Variants in ZNF469 observed in about 807,000 individuals in gnomAD.
The protein encoded by ZNF469 is zinc finger protein 469.
A neutral mutation model predicts 1.0 loss-of-function variants in ZNF469; 1 was observed. That is an observed-to-expected ratio of 1.00 (90% CI 0.35 to 4.73). The LOEUF is 4.73. Among genes scored for constraint, ZNF469 ranks in the 30% most tolerant of loss-of-function variants. ZNF469 has a pLI of 0.16. For synonymous variants in ZNF469, 2,703 were observed against 2,363.4 expected, an observed-to-expected ratio of 1.14 and a Z score of -4.17; for missense variants, 6,100 against 5,356.3, an observed-to-expected ratio of 1.14 and a Z score of -4.33.
chr16:88,305,275 TGCTCTCAG>T, the ZNF469 span, among the ~76,000 whole-genome samples: 1 of 74,670 alleles, frequency 1.3e-5, no homozygotes. Context: ...CTCACACACA[TGCTCTCAG>T]GCACACACAC....
At chr16:88,418,551 C>T (rs111397231) in intron 1 of ZNF469, among the ~76,000 whole-genome samples, 2 of 152,050 alleles carry the variant, frequency 1.3e-5, no homozygotes, top group African/African-American at 4.8e-5. Flanking sequence ...CCACCGCCCC[C>T]CCGGCCACCT....
the ZNF469 span, among the ~76,000 whole-genome samples, chr16:88,361,301 C>T: frequency 2.0e-3 from 299 of 152,322 alleles, 1 homozygote; most frequent in African/African-American, 7.0e-3. Context: ...TACTACTCAT[C>T]TCCTGCTGTG....
rs776372059 is a variant in ZNF469 at position 88,434,397 on chromosome 16, G to C, written c.6927G>C (p.Gln2309His). 3 of 1,549,780 alleles carry C rather than the reference G, an allele frequency of 1.9e-6. No homozygotes were observed. The highest frequency in any genetic ancestry group is 2.4e-5 in the South Asian group (2 of 84,048). Residue 2309 changes from glutamine (Q) to histidine (H), a missense_variant, in exon 3 of 3, where the codon CAG (glutamine) becomes CAC (histidine). Transcript: ENST00000565624. ...GGGGACTCCCAGGGCCAGACCCCCA[G>C]AGCAGGGGAGCCCCGCCCCACACCA... ...AGRGLPGPDP[Q>H]SRGAPPHTNP...
intron 1 of ZNF469, among the ~76,000 whole-genome samples, chr16:88,420,548 C>G (rs1464528744): frequency 6.6e-6 from 1 of 152,182 alleles, no homozygotes; most frequent in East Asian, 1.9e-4. Flanking sequence ...CAGGCCTGGT[C>G]CCCAGGGGAT....
At chr16:88,113,139 T>G in the ZNF469 span, among the ~76,000 whole-genome samples, 1 of 152,214 alleles carries the variant, frequency 6.6e-6, no homozygotes, top group Non-Finnish European at 1.5e-5. Context: ...CTTGGTTGCC[T>G]GTGCGTGGGG....
chr16:88,437,712 C>G lies in ZNF469; in HGVS notation c.10242C>G (p.Ile3414Met). The G allele has an allele frequency of 1.3e-6, 2 of 1,549,850 alleles. No individual in the cohort carries two copies. Among genetic ancestry groups the G allele is most frequent in the Non-Finnish European group, 1.7e-6 (2 of 1,146,636 alleles). ...TCTGCGCCACGGTTATGCGCATCAT[C>G]AAGAAGTCCTTCGCCTGCAGCTCCT... ...CELCATVMRIIKKSFACSSCN... is the reference protein window; with the variant it reads ...CELCATVMRIMKKSFACSSCN... The change falls in exon 3 of 3, where the codon ATC becomes ATG. Residue 3414 changes from isoleucine to methionine, a missense_variant. Physicochemically the swap from Ile to Met is conservative, Grantham distance 10 (BLOSUM62 1). Coordinates refer to ENST00000565624, the MANE Select transcript of ZNF469 (RefSeq NM_001367624.2).
chr16:88,331,976 A>C, the ZNF469 span, among the ~76,000 whole-genome samples: 1 of 152,194 alleles, frequency 6.6e-6, no homozygotes, highest in Non-Finnish European at 1.5e-5. Flanking sequence ...CATGGCAGTG[A>C]CTTGCCCAAG....
At chr16:88,375,078 T>G in the ZNF469 span, among the ~76,000 whole-genome samples, 1 of 152,256 alleles carries the variant, frequency 6.6e-6, no homozygotes. Flanking sequence ...GCCCGAAGGC[T>G]GCAGCAGGCG....
At chr16:88,240,127 T>C in the ZNF469 span, among the ~76,000 whole-genome samples, 302 of 151,028 alleles carry the variant, frequency 2.0e-3, 6 homozygotes, top group African/African-American at 6.8e-3. Context: ...CCTATGATGA[T>C]TTAAGGGGGT....
intron 1 of ZNF469, among the ~76,000 whole-genome samples, chr16:88,410,653 T>G (rs1478088324): frequency 6.7e-6 from 1 of 148,798 alleles, no homozygotes; most frequent in Non-Finnish European, 1.5e-5. Context: ...ATGCTGTTGA[T>G]GGTGCAAGTC....
At chr16:88,178,449 G>A in the ZNF469 span, 1 of 152,272 alleles carries the variant, frequency 6.6e-6, no homozygotes, top group African/African-American at 2.4e-5. Flanking sequence ...CAGGCCCTAA[G>A]TGAGTTCTGC....
chr16:88,209,285 C>T, the ZNF469 span, among the ~76,000 whole-genome samples: 1 of 151,636 alleles, frequency 6.6e-6, no homozygotes, highest in East Asian at 1.9e-4. Flanking sequence ...CTTTTCTTTT[C>T]TTTTTTCTTT....
chr16:88,307,395 T>C, the ZNF469 span, among the ~76,000 whole-genome samples: 16 of 152,360 alleles, frequency 1.1e-4, no homozygotes, highest in East Asian at 3.1e-3. Context: ...ACTGTACAGT[T>C]AACATTCCAA....
chr16:88,135,748 GTTTTT>G, the ZNF469 span, among the ~76,000 whole-genome samples: 272 of 66,930 alleles, frequency 4.1e-3, 35 homozygotes, highest in African/African-American at 0.012. Context: ...AGCTGGCCAT[GTTTTT>G]TTTTTTTTTT....
chr16:88,352,582 C>T, the ZNF469 span, among the ~76,000 whole-genome samples: 2 of 152,268 alleles, frequency 1.3e-5, no homozygotes, highest in Non-Finnish European at 2.9e-5. Context: ...TGTACAACCA[C>T]AACAGGCATG....
the ZNF469 span, among the ~76,000 whole-genome samples, chr16:88,262,794 C>G: frequency 6.6e-6 from 1 of 152,026 alleles, no homozygotes; most frequent in Non-Finnish European, 1.5e-5. The surrounding 1 kb of genome is among the most constrained non-coding windows in gnomAD (Gnocchi z 4.3). Context: ...TTCTCATAAA[C>G]AGAGGCCTAA....
Position 88,400,809 on chromosome 16 carries a change from G to C in ZNF469, c.-192+17555G>C, listed in dbSNP as rs572597798. On this transcript the variant is annotated intron_variant, in intron 1 of 2. Coordinates refer to ENST00000565624, the MANE Select transcript of ZNF469 (RefSeq NM_001367624.2). ...GGATAAAATGGGCAGAATCTCTTCA[G>C]ATCGTGTTCACGGGGTCACCTGGGA... is the stretch of plus-strand genomic sequence containing the variant. Among the ~76,000 whole-genome samples the C allele has an allele frequency of 2.6e-5, 4 of 152,138 alleles. No homozygotes were observed. The South Asian group carries it at 8.3e-4, about 32-fold the overall frequency.
chr16:88,436,831 T>G lies in ZNF469; in HGVS notation c.9361T>G (p.Phe3121Val). 1 of 1,535,642 alleles carries G rather than the reference T, an allele frequency of 6.5e-7. No individual in the cohort carries two copies. The highest frequency in any genetic ancestry group is 1.2e-5 in the South Asian group (1 of 83,730). The change falls in exon 3 of 3, where the codon TTC becomes GTC. Residue 3121 changes from phenylalanine to valine, a missense_variant. Coordinates refer to ENST00000565624, the MANE Select transcript of ZNF469 (RefSeq NM_001367624.2). ...RRASYKCKVC[F>V]QRFRSLGELD... ...GGCCTCCTACAAGTGCAAAGTGTGC[T>G]TCCAGCGCTTCCGCAGCCTGGGCGA... is the stretch of plus-strand genomic sequence containing the variant.
the ZNF469 span, among the ~76,000 whole-genome samples, chr16:88,221,506 C>T: frequency 3.3e-5 from 5 of 152,186 alleles, no homozygotes; most frequent in African/African-American, 1.2e-4. Context: ...CTCAGGGGGA[C>T]GGGAAGCCTT....
Sources: allele counts gnomAD v4.1 joint callset (sites outside exome capture counted in the v4.1 genomes callset), GRCh38; gene constraint gnomAD v4.1.1; non-coding constraint Gnocchi (gnomAD v3.1); transcripts MANE v1.5; gene names NCBI Gene and HGNC (gene_info 2026-07-23, HGNC 2026-07-21).